Variants in SLC44A5 observed in about 807,000 individuals in gnomAD.
SLC44A5 encodes solute carrier family 44 member 5.
In SLC44A5, 57 loss-of-function variants were observed where a neutral mutation model predicts 101.8. The observed-to-expected ratio is 0.56, with a 90% CI of 0.45 to 0.70. The LOEUF (loss-of-function observed/expected upper bound fraction) is 0.70. Among genes scored for constraint, SLC44A5 ranks in the 30% least tolerant of loss-of-function variants. The pLI is 0.00. For missense variants in SLC44A5, 737 were observed against 853.1 expected, an observed-to-expected ratio of 0.86 and a Z score of 1.70; for synonymous variants, 281 against 290.9, an observed-to-expected ratio of 0.97 and a Z score of 0.35.
At chr1:75,517,871 G>C (rs973841302) in intron 2 of SLC44A5, among the ~76,000 whole-genome samples, 3 of 152,138 alleles carry the variant, frequency 2.0e-5, no homozygotes, top group African/African-American at 7.2e-5. Context: ...AAGTGCTTTG[G>C]AGGCCAGAGA....
chr1:75,693,583 G>A, the SLC44A5 span, among the ~76,000 whole-genome samples: 9 of 152,130 alleles, frequency 5.9e-5, no homozygotes, highest in South Asian at 2.1e-4. Flanking sequence ...TTACTGAAGC[G>A]TTTCTTATCG....
At chr1:75,702,258 A>G in the SLC44A5 span, among the ~76,000 whole-genome samples, 1 of 152,214 alleles carries the variant, frequency 6.6e-6, no homozygotes, top group Non-Finnish European at 1.5e-5. Flanking sequence ...ACTTCAAACT[A>G]TACTACAAGG....
chr1:75,326,269 T>A (rs1291112037), intron 4 of SLC44A5, among the ~76,000 whole-genome samples: 2 of 151,692 alleles, frequency 1.3e-5, no homozygotes, highest in Non-Finnish European at 2.9e-5. Flanking sequence ...CTGCTTTTTT[T>A]TTTTTTCTCA....
At chr1:75,543,858 C>T (rs1303350312) in intron 1 of SLC44A5, among the ~76,000 whole-genome samples, 1 of 151,956 alleles carries the variant, frequency 6.6e-6, no homozygotes, top group Non-Finnish European at 1.5e-5. Context: ...AATCAGTTGT[C>T]TCATGGGATC....
intron 1 of SLC44A5, among the ~76,000 whole-genome samples, chr1:75,597,352 A>G (rs964034996): frequency 6.6e-6 from 1 of 152,174 alleles, no homozygotes; most frequent in Admixed American, 6.5e-5. Context: ...AAGAATCAAT[A>G]TTGTTAAAAT....
chr1:75,269,177 T>C (rs1651251241), intron 6 of SLC44A5, among the ~76,000 whole-genome samples: 1 of 152,116 alleles, frequency 6.6e-6, no homozygotes, highest in Non-Finnish European at 1.5e-5. Flanking sequence ...CAATTCTTTT[T>C]TTAACTGTAG....
intron 2 of SLC44A5, among the ~76,000 whole-genome samples, chr1:75,442,866 A>G (rs1665288898): frequency 6.6e-6 from 1 of 152,184 alleles, no homozygotes; most frequent in African/African-American, 2.4e-5. Flanking sequence ...AATACTGTTC[A>G]TTTAGAAGTC....
At chr1:75,290,631 T>C (rs1461717036) in intron 5 of SLC44A5, among the ~76,000 whole-genome samples, 1 of 152,106 alleles carries the variant, frequency 6.6e-6, no homozygotes, top group Non-Finnish European at 1.5e-5. Flanking sequence ...CTCATGCTCC[T>C]ACCCTCCAAT....
chr1:75,623,076 C>T, the SLC44A5 span, among the ~76,000 whole-genome samples: 4 of 152,022 alleles, frequency 2.6e-5, no homozygotes, highest in South Asian at 2.1e-4. Flanking sequence ...ATATGCCAGT[C>T]GTTCTTTTAA....
intron 1 of SLC44A5, chr1:75,581,958 A>T: frequency 2.6e-6 from 1 of 378,880 alleles, no homozygotes; most frequent in South Asian, 2.9e-5. Context: ...AGCCAGGTAA[A>T]CCTCTTTCTT....
chr1:75,602,898 T>C (rs1026433846), intron 1 of SLC44A5, among the ~76,000 whole-genome samples: 9 of 152,148 alleles, frequency 5.9e-5, no homozygotes, highest in African/African-American at 2.2e-4. Flanking sequence ...AAGTTTTGAC[T>C]TTCCTGTAAG....
intron 3 of SLC44A5, among the ~76,000 whole-genome samples, chr1:75,356,013 A>AGTTC: frequency 6.6e-6 from 1 of 151,752 alleles, no homozygotes; most frequent in Non-Finnish European, 1.5e-5. Context: ...GGAGTTTCAG[A>AGTTC]CCAGCCTCAT....
At chr1:75,265,533 CTGTA>C (rs1650912186) in intron 6 of SLC44A5, among the ~76,000 whole-genome samples, 5 of 152,114 alleles carry the variant, frequency 3.3e-5, no homozygotes, top group Non-Finnish European at 7.4e-5. Context: ...CAACAATGTA[CTGTA>C]CATTTCAAAG....
chr1:75,580,925 TA>T (rs1673662043), intron 1 of SLC44A5, among the ~76,000 whole-genome samples: 1 of 152,008 alleles, frequency 6.6e-6, no homozygotes, highest in African/African-American at 2.4e-5. Flanking sequence ...AATATTTTTT[TA>T]AAAAATCAAA....
chr1:75,606,170 A>G (rs1230660607), intron 1 of SLC44A5, among the ~76,000 whole-genome samples: 4 of 152,016 alleles, frequency 2.6e-5, no homozygotes, highest in Non-Finnish European at 5.9e-5. Context: ...AGTCAGCAAC[A>G]AGATGACTGG....
At chr1:75,713,698 TTAAAG>T in the SLC44A5 span, among the ~76,000 whole-genome samples, 3,141 of 152,276 alleles carry the variant, frequency 0.021, 108 homozygotes, top group African/African-American at 0.072. Flanking sequence ...GGACACATAA[TTAAAG>T]TAAGTCCTGC....
At chr1:75,503,869 T>C (rs868695300) in intron 2 of SLC44A5, among the ~76,000 whole-genome samples, 11 of 152,158 alleles carry the variant, frequency 7.2e-5, no homozygotes, top group Non-Finnish European at 1.5e-4. Flanking sequence ...ACCAGGTCTG[T>C]AGTGTATCCT....
intron 2 of SLC44A5, among the ~76,000 whole-genome samples, chr1:75,453,617 AT>A (rs933492226): frequency 1.3e-5 from 2 of 152,012 alleles, no homozygotes; most frequent in Non-Finnish European, 2.9e-5. Flanking sequence ...AAAGTTGCTT[AT>A]TTGAAAGGAT....
At chr1:75,214,807 T>A in intron 19 of SLC44A5, 129 bp from the exon 20 acceptor site, 2 of 691,008 alleles carry the variant, frequency 2.9e-6, no homozygotes, top group Non-Finnish European at 4.9e-6. Flanking sequence ...CTCTTTTTTC[T>A]AATGTGTATT....
Sources: allele counts gnomAD v4.1 joint callset (sites outside exome capture counted in the v4.1 genomes callset), GRCh38; gene constraint gnomAD v4.1.1; transcripts MANE v1.5; gene names NCBI Gene and HGNC (gene_info 2026-07-23, HGNC 2026-07-21).